Variants in EWSR1 observed in about 807,000 individuals in gnomAD.
The protein encoded by EWSR1 is RNA-binding protein EWS.
EWSR1 carries 14 observed loss-of-function variants against 92.1 expected under a neutral mutation model. That is an observed-to-expected ratio of 0.15 (90% CI 0.10 to 0.24). The LOEUF is 0.24. Among genes scored for constraint, EWSR1 ranks in the 10% least tolerant of loss-of-function variants. The probability of loss-of-function intolerance (pLI) is 1.00; values close to 1 mark genes in which losing one functional copy is unlikely to be tolerated. For missense variants in EWSR1, 637 were observed against 870.9 expected (o/e 0.73, Z 3.38); for synonymous variants, 303 against 292.9 (o/e 1.03, Z -0.35).
chr22:29,291,747 G>C, intron 9 of EWSR1, 148 bp downstream of exon 9: 1 of 695,078 alleles, frequency 1.4e-6, no homozygotes, highest in Non-Finnish European at 2.3e-6. Context: ...TTGTCTTAGG[G>C]GTTAATAAGG....
chr22:29,273,620 T>G (rs1361842731), intron 3 of EWSR1, 121 bp from the exon 4 acceptor site: 3 of 1,141,584 alleles, frequency 2.6e-6, no homozygotes, highest in Non-Finnish European at 3.7e-6. Context: ...GTTTTTGTTT[T>G]GTTTTTTTAA....
chr22:29,298,787 G>T lies in EWSR1; in HGVS notation c.1472G>T (p.Gly491Val). 1 of 1,612,210 alleles carries T rather than the reference G, an allele frequency of 6.2e-7. No homozygotes were observed. Among genetic ancestry groups the T allele is most frequent in the Non-Finnish European group, 8.5e-7 (1 of 1,179,488 alleles). The change falls in exon 14 of 17, where the codon GGA (glycine) becomes GTA (valine). Residue 491 changes from glycine to valine, a missense_variant. Around this residue, in one of 5 missense-constraint regions of EWSR1, gnomAD observed 363 missense variants for 447.8 expected, o/e 0.81. Transcript: ENST00000397938. Reference protein sequence around the residue: ...GGPMGRMGGRGGDRGGFPPRG... With the variant: ...GGPMGRMGGRVGDRGGFPPRG... ...CCCATGGGTCGCATGGGAGGCCGTG[G>T]AGGAGATAGAGGAGGCTTCCCTCCA... is the stretch of plus-strand genomic sequence containing the variant.
At position 29,298,767 on chromosome 22, in the gene EWSR1, G is replaced by A. The variant is rs779806745; in HGVS notation, c.1452G>A (p.Met484Ile). ...GCCCAGGAGGTCCTGGGGGACCCAT[G>A]GGTCGCATGGGAGGCCGTGGAGGAG... ...PGGPGGPGGP[M>I]GRMGGRGGDR... is the part of the protein sequence containing the mutation. The change falls in exon 14 of 17, where the codon ATG (methionine) becomes ATA (isoleucine). Residue 484 changes from methionine (M) to isoleucine (I), a missense_variant. By Grantham distance (10) the Met-to-Ile change is conservative. This residue lies in a region of EWSR1 where 363 missense variants were observed against 447.8 expected (regional missense o/e 0.81). Transcript: ENST00000397938. 2 of 1,613,770 alleles carry A rather than the reference G, an allele frequency of 1.2e-6. No homozygotes were observed. The highest frequency in any genetic ancestry group is 4.5e-5 in the East Asian group (2 of 44,868).
intron 3 of EWSR1, 73 bp from the exon 4 acceptor site, chr22:29,273,668 A>C (rs572746680): frequency 6.5e-7 from 1 of 1,542,114 alleles, no homozygotes; most frequent in South Asian, 1.2e-5. Flanking sequence ...TGGTTCTCCA[A>C]TTTAGTCCAT....
In EWSR1 at chr22:29,298,821, C is replaced by T. The variant is rs763253549; in HGVS notation, c.1506C>T (p.Pro502=). ...GDRGGFPPRG[P]RGSRGNPSGG... is the part of the protein sequence containing the mutation. ...GAGGAGGCTTCCCTCCAAGAGGACC[C>T]CGGGGTTCCCGAGGGAACCCCTCTG... Residue 502 remains proline (P), a synonymous_variant, in exon 14 of 17, where the codon CCC becomes CCT. Transcript: ENST00000397938. 11 of 1,601,384 alleles carry T rather than the reference C, an allele frequency of 6.9e-6. No individual in the cohort carries two copies. In the South Asian group the frequency reaches 1.2e-4, roughly 18 times the overall value.
intron 11 of EWSR1, among the ~76,000 whole-genome samples, chr22:29,294,604 C>CAA (rs1029749874): frequency 1.8e-4 from 12 of 65,182 alleles, no homozygotes; most frequent in Non-Finnish European, 2.0e-4. Flanking sequence ...GACTCCGCCT[C>CAA]AAAAAAAAAA....
intron 7 of EWSR1, 61 bp downstream of exon 7, chr22:29,287,195 T>C (rs1273203367): frequency 4.0e-6 from 6 of 1,497,814 alleles, no homozygotes; most frequent in Admixed American, 1.9e-5. Context: ...TTTTGTGGGG[T>C]TGATTTTTTT....
At chr22:29,288,536 C>G (rs2060220398) in intron 7 of EWSR1, 70 bp from the exon 8 acceptor site, 6 of 1,452,546 alleles carry the variant, frequency 4.1e-6, no homozygotes, top group Non-Finnish European at 5.6e-6. Flanking sequence ...TTTTGTGATT[C>G]CAGGAGAAAG....
At chr22:29,283,876 C>T (rs1322460977) in intron 6 of EWSR1, among the ~76,000 whole-genome samples, 1 of 150,052 alleles carries the variant, frequency 6.7e-6, no homozygotes, top group Non-Finnish European at 1.5e-5. Flanking sequence ...CTCTTGTTGC[C>T]CAGGCTGGAG....
intron 7 of EWSR1, 35 bp downstream of exon 7, chr22:29,287,169 A>C: frequency 1.3e-6 from 2 of 1,595,954 alleles, no homozygotes; most frequent in Non-Finnish European, 1.7e-6. Flanking sequence ...AATAAGAATG[A>C]ATGTGTTTAG....
chr22:29,277,672 C>A, intron 4 of EWSR1: 1 of 247,626 alleles, frequency 4.0e-6, no homozygotes. Context: ...TGTTTACAAA[C>A]TTGTTAAGAC....
In EWSR1 at chr22:29,278,071, G is replaced by A; in HGVS notation, c.268G>A (p.Val90Ile). 6.2e-7 allele frequency: 1 copy of A among 1,614,050 alleles called. No homozygotes were observed. The highest frequency in any genetic ancestry group is 1.1e-5 in the South Asian group (1 of 91,068). Residue 90 changes from valine to isoleucine, a missense_variant, in exon 5 of 17, where the codon GTC (valine) becomes ATC (isoleucine). Physicochemically the swap from Val to Ile is conservative, Grantham distance 29 (BLOSUM62 3). Around this residue, in one of 5 missense-constraint regions of EWSR1, gnomAD observed 144 missense variants for 189.0 expected, o/e 0.76. Transcript: ENST00000397938. ...TGCCCCCCAGGCATACAGCCAGCCT[G>A]TCCAGGGGTATGGCACTGGTGCTTA... ...PTAPQAYSQPVQGYGTGAYDT... is the reference protein window; with the variant it reads ...PTAPQAYSQPIQGYGTGAYDT...
At chr22:29,283,108 T>G (rs1273754801) in intron 6 of EWSR1, among the ~76,000 whole-genome samples, 1 of 152,216 alleles carries the variant, frequency 6.6e-6, no homozygotes, top group African/African-American at 2.4e-5. Flanking sequence ...TTTACCACTC[T>G]AAGTTCTTTC....
intron 1 of EWSR1, chr22:29,269,454 G>T (rs1225371682): frequency 6.6e-6 from 1 of 152,228 alleles, no homozygotes; most frequent in African/African-American, 2.4e-5. Context: ...TTCGCAATCT[G>T]TGGGTACACT....
chr22:29,298,507 C>CA (rs35896020), intron 13 of EWSR1, among the ~76,000 whole-genome samples: 33,043 of 106,952 alleles, frequency 0.31, 4,469 homozygotes, highest in East Asian at 0.4. Flanking sequence ...ACTCCGTCTC[C>CA]AAAAAAAAAA....
In EWSR1 at chr22:29,276,991, G is replaced by C. The variant is rs567853118; in HGVS notation, c.227-1039G>C. ...GGAAGAAGAGTCCAGCACCAGGAAT[G>C]GTTGTAACACCTCCTACAGGAAAGG... On this transcript the variant is annotated intron_variant, in intron 4 of 16. Coordinates refer to ENST00000397938, the MANE Select transcript of EWSR1 (RefSeq NM_005243.4). 4.7e-4 allele frequency: 108 copies of C among 230,998 alleles called. 1 individual carries two copies. In the Middle Eastern group the frequency reaches 5.2e-3, roughly 11 times the overall value. 14.3% of individuals were successfully genotyped at this position (230,998 alleles called of 1,614,324 possible). A position where few individuals can be genotyped will look rare whatever the true frequency, so the allele number is the denominator to read the frequency against.
chr22:29,297,272 A>G lies in EWSR1; in HGVS notation c.1295-555A>G, dbSNP rs540403716. The stretch of plus-strand genomic sequence containing the variant: ...TTCAAGCCAATCTTGTGCGTCAGCC[A>G]CTCGAGTAGCTGCTGGACTACAGGC... On this transcript the variant is annotated intron_variant, in intron 12 of 16. Transcript: ENST00000397938. Among the ~76,000 whole-genome samples, 7 of 152,220 alleles carry G rather than the reference A, an allele frequency of 4.6e-5. No homozygotes were observed. The South Asian group carries it at 1.5e-3, about 32-fold the overall frequency.
chr22:29,268,460 T>C (rs1474068456), intron 1 of EWSR1, 111 bp downstream of exon 1: 13 of 1,583,116 alleles, frequency 8.2e-6, no homozygotes, highest in Non-Finnish European at 8.6e-7. Context: ...CGAGAGGGGG[T>C]TGAGGCACCC....
chr22:29,269,431 CCAT>C (rs1362146247), intron 1 of EWSR1: 1 of 152,170 alleles, frequency 6.6e-6, no homozygotes, highest in Non-Finnish European at 1.5e-5. Context: ...TGTCGCCTAG[CCAT>C]CACCTGCAGT....
Sources: allele counts gnomAD v4.1 joint callset (sites outside exome capture counted in the v4.1 genomes callset), GRCh38; gene constraint gnomAD v4.1.1; regional missense constraint gnomAD v4.1.1; transcripts MANE v1.5; gene names NCBI Gene and HGNC (gene_info 2026-07-23, HGNC 2026-07-21).